NAV3: variants seen among roughly 807,000 people sequenced by gnomAD.
NAV3 encodes pore membrane and/or filament interacting like protein 1.
NAV3 carries 87 observed loss-of-function variants against 244.7 expected under a neutral mutation model. That is an observed-to-expected ratio of 0.36 (90% confidence interval 0.30 to 0.42). The LOEUF (loss-of-function observed/expected upper bound fraction) is 0.42. Among genes scored for constraint, NAV3 ranks in the 20% least tolerant of loss-of-function variants. The probability of loss-of-function intolerance (pLI) is 1.00; values close to 1 mark genes in which losing one functional copy is unlikely to be tolerated. For synonymous variants in NAV3, 1,126 were observed against 1,042.2 expected (o/e 1.08, Z -1.55); for missense variants, 2,663 against 2,893.3 (o/e 0.92, Z 1.83).
chr12:77,700,858 T>A (rs1049095678), intron 2 of NAV3, among the ~76,000 whole-genome samples: 1 of 151,850 alleles, frequency 6.6e-6, no homozygotes, highest in African/African-American at 2.4e-5. Context: ...TTATTGGCTT[T>A]CAAATACAAC....
rs193138234 is a variant in NAV3, at chr12:77,715,392, A to T, written c.72+143126A>T. Among the ~76,000 whole-genome samples, 4 of 151,970 alleles carry T rather than the reference A, an allele frequency of 2.6e-5. No homozygotes were observed. The East Asian group carries it at 7.7e-4, about 29-fold the overall frequency. On this transcript the variant is annotated intron_variant, in intron 2 of 8. Coordinates refer to the NAV3 transcript ENST00000550042. ...TTTGTATTATATCTCTCTTATTTGCATTGCTTTTTCAACATGAATGTCTAA... is the reference window on the plus strand; with the variant it reads ...TTTGTATTATATCTCTCTTATTTGCTTTGCTTTTTCAACATGAATGTCTAA...
At chr12:77,974,827 A>G (rs1209352302) in intron 5 of NAV3, among the ~76,000 whole-genome samples, 1 of 152,190 alleles carries the variant, frequency 6.6e-6, no homozygotes, top group Admixed American at 6.5e-5. Context: ...GAAATGGTTT[A>G]TGTATAAAAT....
intron 22 of NAV3, among the ~76,000 whole-genome samples, chr12:78,151,402 T>C (rs1357542719): frequency 6.6e-6 from 1 of 152,066 alleles, no homozygotes; most frequent in Admixed American, 6.6e-5. Context: ...AATAGGCCAG[T>C]TAATAAACAA....
intron 8 of NAV3, 82 bp downstream of exon 8, chr12:78,007,527 A>T: frequency 1.4e-6 from 2 of 1,423,476 alleles, no homozygotes; most frequent in East Asian, 2.3e-5. Flanking sequence ...AGGCTGATAA[A>T]GTGGTGCTTT....
chr12:77,662,346 T>A (rs981417995), intron 2 of NAV3, among the ~76,000 whole-genome samples: 1 of 152,052 alleles, frequency 6.6e-6, no homozygotes, highest in Non-Finnish European at 1.5e-5. Flanking sequence ...TTCTGTTAAA[T>A]TTATTCTGAA....
chr12:77,800,786 A>C (rs1410985711), intron 2 of NAV3, among the ~76,000 whole-genome samples: 1 of 152,174 alleles, frequency 6.6e-6, no homozygotes, highest in Non-Finnish European at 1.5e-5. Context: ...TTTGTAAGAT[A>C]AAACACACAA....
intron 5 of NAV3, among the ~76,000 whole-genome samples, chr12:77,992,018 T>C (rs1871527548): frequency 6.6e-6 from 1 of 150,408 alleles, no homozygotes; most frequent in South Asian, 2.1e-4. Flanking sequence ...CAAGACTCCA[T>C]CTCAAAAAAA....
At chr12:77,579,078 A>G (rs696439) in intron 2 of NAV3, among the ~76,000 whole-genome samples, 86,105 of 151,914 alleles carry the variant, frequency 0.57, 24,739 homozygotes, top group Middle Eastern at 0.75. Context: ...AATGACTGGC[A>G]TTATAAACAG....
At chr12:77,863,314 T>G (rs1311569577) in intron 1 of NAV3, among the ~76,000 whole-genome samples, 1 of 151,882 alleles carries the variant, frequency 6.6e-6, no homozygotes, top group East Asian at 1.9e-4. Context: ...TTTGAAATTG[T>G]AGAAGTTCAA....
intron 2 of NAV3, among the ~76,000 whole-genome samples, chr12:77,808,107 C>A: frequency 6.6e-6 from 1 of 152,150 alleles, no homozygotes; most frequent in East Asian, 1.9e-4. Context: ...AGCTTCCTTG[C>A]ATTGGGCTAG....
At chr12:77,674,516 A>C (rs560410015) in intron 2 of NAV3, among the ~76,000 whole-genome samples, 1 of 152,056 alleles carries the variant, frequency 6.6e-6, no homozygotes, top group East Asian at 1.9e-4. Flanking sequence ...CCACGTAGCA[A>C]GTAGCTGGCA....
At chr12:78,123,241 A>G (rs188405300) in intron 16 of NAV3, among the ~76,000 whole-genome samples, 8 of 152,292 alleles carry the variant, frequency 5.3e-5, no homozygotes, top group Admixed American at 5.2e-4. Flanking sequence ...TTGTCTCTTG[A>G]CATAAGTAAA....
At chr12:77,647,770 A>G (rs556300887) in intron 2 of NAV3, among the ~76,000 whole-genome samples, 1 of 152,202 alleles carries the variant, frequency 6.6e-6, no homozygotes, top group East Asian at 1.9e-4. Context: ...CTACTCCTAT[A>G]TTATGTTTTA....
intron 2 of NAV3, among the ~76,000 whole-genome samples, chr12:77,674,480 T>C (rs1874122485): frequency 6.6e-6 from 1 of 152,020 alleles, no homozygotes; most frequent in South Asian, 2.1e-4. Flanking sequence ...CCTCCCAGGC[T>C]CAGGTGATCC....
intron 1 of NAV3, among the ~76,000 whole-genome samples, chr12:77,915,409 A>G (rs1887029544): frequency 6.6e-6 from 1 of 151,974 alleles, no homozygotes; most frequent in Admixed American, 6.6e-5. Flanking sequence ...TTCTTCTTGT[A>G]TAGCCCTCCA....
chr12:78,016,342 T>C (rs1428900588), intron 8 of NAV3, among the ~76,000 whole-genome samples: 1 of 152,190 alleles, frequency 6.6e-6, no homozygotes, highest in East Asian at 1.9e-4. Context: ...TATTCACATA[T>C]ACATACATTC....
At chr12:78,071,210 AC>A (rs1298766225) in intron 12 of NAV3, among the ~76,000 whole-genome samples, 8 of 152,148 alleles carry the variant, frequency 5.3e-5, no homozygotes, top group African/African-American at 1.7e-4. Flanking sequence ...CATCTCCAGC[AC>A]CTGCTGTTTC....
chr12:78,061,486 A>T (rs1157330170), intron 12 of NAV3, among the ~76,000 whole-genome samples: 1 of 152,164 alleles, frequency 6.6e-6, no homozygotes, highest in African/African-American at 2.4e-5. Context: ...CATTTTTAAA[A>T]GAATAATTTT....
Position 78,120,007 on chromosome 12 carries a change from A to G in NAV3, c.3749+62A>G, listed in dbSNP as rs535104439. On this transcript the variant is annotated intron_variant, in intron 15 of 39. Transcript: ENST00000397909. ...GGATAAATATGTGTTAGACACATAC[A>G]TTACATATAAATGTGTGTATATATA... 2.4e-6 allele frequency: 3 copies of G among 1,242,836 alleles called. No homozygotes were observed. The African/African-American group carries it at 4.6e-5, about 19-fold the overall frequency. The allele number at this position is 1,242,836 out of a possible 1,614,324, so 77.0% of individuals were successfully genotyped here. A position where few individuals can be genotyped will look rare whatever the true frequency, so the allele number is the denominator to read the frequency against.
Sources: gnomAD v4.1 joint callset for allele counts (sites outside exome capture counted in the v4.1 genomes callset) on GRCh38, gnomAD v4.1.1 for gene constraint, MANE v1.5 for transcripts, NCBI Gene and HGNC (gene_info 2026-07-23, HGNC 2026-07-21) for gene names.